The following TRIM5 variants were observed in gnomAD, a reference collection of about 807,000 sequenced individuals.
TRIM5 encodes the protein tripartite motif-containing protein 5.
A neutral mutation model predicts 35.6 loss-of-function variants in TRIM5; 31 were observed. The ratio of observed to expected loss-of-function variants is 0.87; its 90% CI spans 0.65 to 1.18. TRIM5 has a LOEUF of 1.18. Among genes scored for constraint, TRIM5 ranks in the 50% most tolerant of loss-of-function variants. The probability of loss-of-function intolerance (pLI) is 0.00; values close to 1 mark genes in which losing one functional copy is unlikely to be tolerated. For missense variants in TRIM5, 609 were observed against 591.6 expected (o/e 1.03, Z -0.31); for synonymous variants, 243 against 215.6 (o/e 1.13, Z -1.11).
chr11:5,617,867 G>C, the TRIM5 span, among the ~76,000 whole-genome samples: 2 of 151,962 alleles, frequency 1.3e-5, no homozygotes, highest in South Asian at 2.1e-4. Flanking sequence ...AGAAAATGGA[G>C]GTACAGTGAG....
the TRIM5 span, among the ~76,000 whole-genome samples, chr11:5,624,134 C>G: frequency 6.6e-6 from 1 of 152,126 alleles, no homozygotes; most frequent in African/African-American, 2.4e-5. Flanking sequence ...TTCAAAGCAG[C>G]CCTTTCTGTC....
chr11:5,633,959 G>A, the TRIM5 span: 2 of 1,581,358 alleles, frequency 1.3e-6, no homozygotes, highest in Non-Finnish European at 1.7e-6. Flanking sequence ...TTAATCCAAG[G>A]AGGCCTCGTC....
the TRIM5 span, chr11:5,613,096 A>G: frequency 6.6e-6 from 1 of 152,214 alleles, no homozygotes; most frequent in Non-Finnish European, 1.5e-5. Flanking sequence ...GTAAAAGCCT[A>G]TGGACTCAGG....
chr11:5,638,813 G>C, the TRIM5 span, among the ~76,000 whole-genome samples: 1 of 152,174 alleles, frequency 6.6e-6, no homozygotes. Context: ...AGTCCAATGA[G>C]ATGCAGACAG....
the TRIM5 span, among the ~76,000 whole-genome samples, chr11:5,627,005 A>G: frequency 6.6e-6 from 1 of 152,224 alleles, no homozygotes; most frequent in East Asian, 1.9e-4. Flanking sequence ...TTTGAACAGG[A>G]GAGTGACATG....
rs35734937 is a variant in TRIM5, at chr11:5,666,090, T to TAAA, written c.768-12_768-10dup. 1.4e-3 allele frequency: 1,895 copies of TAAA among 1,377,888 alleles called. No individual in the cohort carries two copies. Among genetic ancestry groups the TAAA allele is most frequent in the East Asian group, 4.0e-3 (159 of 39,632 alleles). 85.4% of individuals were successfully genotyped at this position (1,377,888 alleles called of 1,614,324 possible). A position where few individuals can be genotyped will look rare whatever the true frequency, so the allele number is the denominator to read the frequency against. On this transcript the variant is annotated splice_polypyrimidine_tract_variant and intron_variant, in intron 5 of 7. Coordinates refer to ENST00000380034, the MANE Select transcript of TRIM5 (RefSeq NM_033034.3). ...AGGTCACGTTCTCCGTCCTAAGAATTAAAAAAAAAAAAAAAAACTTCCAAA... is the reference window on the plus strand; with the variant it reads ...AGGTCACGTTCTCCGTCCTAAGAATTAAAAAAAAAAAAAAAAAAAACTTCCAAA...
At chr11:5,679,481 G>A (rs768765871) in intron 2 of TRIM5, among the ~76,000 whole-genome samples, 10 of 151,990 alleles carry the variant, frequency 6.6e-5, no homozygotes, top group Non-Finnish European at 1.3e-4. Flanking sequence ...TGCTGAAAGG[G>A]GTAATCAGAG....
At chr11:5,683,818 T>C (rs1852768869) in intron 1 of TRIM5, among the ~76,000 whole-genome samples, 1 of 152,176 alleles carries the variant, frequency 6.6e-6, no homozygotes, top group South Asian at 2.1e-4. Context: ...CAGGAGGATG[T>C]GGGTGGGGCC....
chr11:5,603,197 C>A, the TRIM5 span: 1 of 1,575,752 alleles, frequency 6.3e-7, no homozygotes, highest in Non-Finnish European at 8.6e-7. Context: ...TTCCCTTATT[C>A]TCCCTCCTTT....
At chr11:5,646,307 AT>A in the TRIM5 span, among the ~76,000 whole-genome samples, 18 of 152,198 alleles carry the variant, frequency 1.2e-4, no homozygotes, top group Middle Eastern at 0.01. Flanking sequence ...ACTGACGTCA[AT>A]TTTTTCTCCA....
the TRIM5 span, among the ~76,000 whole-genome samples, chr11:5,649,738 A>G: frequency 6.6e-6 from 1 of 152,210 alleles, no homozygotes; most frequent in African/African-American, 2.4e-5. Flanking sequence ...TTGCTAGTGG[A>G]GCACTAGGAA....
the TRIM5 span, among the ~76,000 whole-genome samples, chr11:5,635,542 C>T: frequency 6.6e-6 from 1 of 152,188 alleles, no homozygotes; most frequent in Non-Finnish European, 1.5e-5. Context: ...AGGCCTGACC[C>T]ACCGCACCCA....
chr11:5,682,458 G>T (rs1459894483), intron 1 of TRIM5, among the ~76,000 whole-genome samples: 3 of 152,120 alleles, frequency 2.0e-5, no homozygotes. Flanking sequence ...GAGGCAAACA[G>T]ATGCTGTCAC....
chr11:5,660,549 A>C (rs1564900691), downstream of TRIM5, among the ~76,000 whole-genome samples: 1 of 152,166 alleles, frequency 6.6e-6, no homozygotes, highest in African/African-American at 2.4e-5. Context: ...ATATACCTTC[A>C]TTAATGGAAA....
At chr11:5,632,310 A>G in the TRIM5 span, 1 of 1,614,098 alleles carries the variant, frequency 6.2e-7, no homozygotes, top group South Asian at 1.1e-5. Flanking sequence ...TTAGGACCAG[A>G]AGAAGCCAGG....
chr11:5,648,100 T>C, the TRIM5 span, among the ~76,000 whole-genome samples: 1 of 152,206 alleles, frequency 6.6e-6, no homozygotes, highest in African/African-American at 2.4e-5. Flanking sequence ...GCAATTCTAA[T>C]GGCTACACAT....
the TRIM5 span, chr11:5,603,442 A>T: frequency 6.2e-7 from 1 of 1,614,122 alleles, no homozygotes; most frequent in African/African-American, 1.3e-5. Context: ...ACCAAATGGC[A>T]GGGAATCAGT....
chr11:5,602,233 G>A, the TRIM5 span, among the ~76,000 whole-genome samples: 1 of 152,066 alleles, frequency 6.6e-6, no homozygotes, highest in East Asian at 1.9e-4. Context: ...GAGGTCAGGA[G>A]ATCGAGACCA....
the TRIM5 span, among the ~76,000 whole-genome samples, chr11:5,620,266 C>T: frequency 2.1e-5 from 3 of 145,538 alleles, no homozygotes; most frequent in Admixed American, 6.9e-5. Flanking sequence ...CAACCTCCGC[C>T]TCCTGGGTTC....
Sources: gnomAD v4.1 joint callset for allele counts (sites outside exome capture counted in the v4.1 genomes callset) on GRCh38, gnomAD v4.1.1 for gene constraint, MANE v1.5 for transcripts, NCBI Gene and HGNC (gene_info 2026-07-23, HGNC 2026-07-21) for gene names.